The following NUP155 variants were observed in gnomAD, a reference collection of about 807,000 sequenced individuals.
NUP155 encodes nucleoporin 155, also known as nuclear pore complex protein Nup155.
A neutral mutation model predicts 180.4 loss-of-function variants in NUP155; 71 were observed. The observed-to-expected ratio is 0.39, with a 90% confidence interval of 0.33 to 0.48. NUP155 has a LOEUF of 0.48. Ranked by LOEUF, NUP155 falls within the 20% of genes least tolerant of loss-of-function variation. The pLI, the probability that NUP155 is intolerant of heterozygous loss-of-function variation, is 0.91. For missense variants in NUP155, 1,553 were observed against 1,648.9 expected, an observed-to-expected ratio of 0.94 and a Z score of 1.01; for synonymous variants, 582 against 559.5, an observed-to-expected ratio of 1.04 and a Z score of -0.57.
chr5:37,333,640 AAAAG>A lies in NUP155; in HGVS notation c.1348-11_1348-8del, dbSNP rs1745123839. On this transcript the variant is annotated splice_polypyrimidine_tract_variant and splice_region_variant and intron_variant, in intron 12 of 34. Coordinates refer to ENST00000231498, the MANE Select transcript of NUP155 (RefSeq NM_153485.3). ...CATCAACACCAGCTGTCATCTATGT[AAAAG>A]AAATAAATGTTTTATACATCATATT... is the stretch of plus-strand genomic sequence containing the variant. 2 of 1,609,832 alleles carry A rather than the reference AAAAG, an allele frequency of 1.2e-6. No homozygotes were observed. The highest frequency in any genetic ancestry group is 2.7e-5 in the African/African-American group (2 of 74,684).
chr5:37,299,601 C>G, intron 30 of NUP155, 33 bp from the exon 31 acceptor site: 2 of 1,609,548 alleles, frequency 1.2e-6, no homozygotes, highest in Non-Finnish European at 1.7e-6. Context: ...TAACATCCAA[C>G]TAGAGATCAA....
chr5:37,331,891 C>CA (rs985679857), intron 13 of NUP155, 96 bp from the exon 14 acceptor site: 282 of 780,236 alleles, frequency 3.6e-4, no homozygotes, highest in Non-Finnish European at 4.1e-4. Flanking sequence ...ATGAAACAAA[C>CA]AAAAAAAACC....
intron 19 of NUP155, among the ~76,000 whole-genome samples, chr5:37,325,614 C>T (rs749559192): frequency 1.3e-5 from 2 of 150,916 alleles, no homozygotes; most frequent in Non-Finnish European, 3.0e-5. Context: ...ACAAAAACTA[C>T]AAAAATTAGC....
Position 37,341,327 on chromosome 5 carries a change from T to C in NUP155, c.1094-85A>G, listed in dbSNP as rs188943308. On this transcript the variant is annotated intron_variant, in intron 10 of 34. Coordinates refer to ENST00000231498, the MANE Select transcript of NUP155 (RefSeq NM_153485.3). ...TTATTGAAGCAATTACATACAGCAA[T>C]GCAACACTCTGCTAAAACCATACAT... 7.6e-5 allele frequency: 81 copies of C among 1,065,634 alleles called. No homozygotes were observed. In the East Asian group the frequency reaches 1.7e-3, roughly 22 times the overall value. The allele number at this position is 1,065,634 out of a possible 1,614,324, so 66.0% of individuals were successfully genotyped here. A position where few individuals can be genotyped will look rare whatever the true frequency, so the allele number is the denominator to read the frequency against.
intron 22 of NUP155, 138 bp downstream of exon 22, chr5:37,314,060 T>C: frequency 1.5e-6 from 1 of 652,828 alleles, no homozygotes; most frequent in Non-Finnish European, 2.6e-6. Context: ...GCTTTTTTTG[T>C]GCCATCTTCC....
intron 32 of NUP155, among the ~76,000 whole-genome samples, chr5:37,298,353 T>C (rs1742696689): frequency 6.6e-6 from 1 of 152,164 alleles, no homozygotes; most frequent in Non-Finnish European, 1.5e-5. Context: ...TTCTATTGTT[T>C]TACCACTGAG....
At chr5:37,325,413 AGAGAT>A (rs1428405499) in intron 19 of NUP155, among the ~76,000 whole-genome samples, 1 of 152,128 alleles carries the variant, frequency 6.6e-6, no homozygotes, top group Non-Finnish European at 1.5e-5. Flanking sequence ...AATCAATGTT[AGAGAT>A]GAGATTTAAA....
chr5:37,329,144 G>T, intron 16 of NUP155, 46 bp downstream of exon 16: 1 of 1,417,996 alleles, frequency 7.1e-7, no homozygotes, highest in Non-Finnish European at 1.0e-6. Flanking sequence ...AAGGTTCTAA[G>T]ATTCAAACGA....
intron 32 of NUP155, among the ~76,000 whole-genome samples, chr5:37,296,237 G>C (rs939094399): frequency 2.6e-5 from 4 of 152,214 alleles, no homozygotes; most frequent in African/African-American, 7.2e-5. Flanking sequence ...AATAGAAAGG[G>C]GGGAAAGGTG....
intron 4 of NUP155, among the ~76,000 whole-genome samples, chr5:37,355,282 C>T (rs577534890): frequency 2.0e-5 from 3 of 152,046 alleles, no homozygotes; most frequent in Non-Finnish European, 2.9e-5. Flanking sequence ...CCAAGGTGGG[C>T]GGATCGCTTG....
In NUP155 at chr5:37,289,547, C is replaced by A. The variant is rs1742148409; in HGVS notation, c.*2353G>T. On this transcript the variant is annotated 3_prime_UTR_variant, in exon 35 of 35. Coordinates refer to ENST00000231498, the MANE Select transcript of NUP155 (RefSeq NM_153485.3). Reference sequence around the variant, plus strand: ...ACCTAATTTCTTCTCTCTTAGGAATCTTACCCCCCAAAAGGTATTGCAAGC... The same window carrying A: ...ACCTAATTTCTTCTCTCTTAGGAATATTACCCCCCAAAAGGTATTGCAAGC... The A allele has an allele frequency of 6.6e-6, 1 of 152,152 alleles. No individual in the cohort carries two copies. The highest frequency in any genetic ancestry group is 2.1e-4 in the South Asian group (1 of 4,830). The allele number at this position is 152,152 out of a possible 1,614,324, so 9.4% of individuals were successfully genotyped here.
intron 3 of NUP155, among the ~76,000 whole-genome samples, chr5:37,362,550 A>T (rs1015263526): frequency 4.6e-5 from 7 of 152,104 alleles, no homozygotes; most frequent in Admixed American, 4.6e-4. Context: ...GGCCTCCTAA[A>T]GTGCTGGGAT....
At chr5:37,359,213 GA>G (rs1429740978) in intron 3 of NUP155, among the ~76,000 whole-genome samples, 1 of 150,244 alleles carries the variant, frequency 6.7e-6, no homozygotes, top group Non-Finnish European at 1.5e-5. Context: ...TATATATAAT[GA>G]AAAAATAAAC....
rs2150955338 is a variant in NUP155, at chr5:37,318,041, G to A, written c.2252C>T (p.Pro751Leu). The change falls in exon 21 of 35, where the codon CCT becomes CTT. Residue 751 changes from proline (P) to leucine (L), a missense_variant. Coordinates refer to ENST00000231498, the MANE Select transcript of NUP155 (RefSeq NM_153485.3). ...VQQRLIGFMR[P>L]ENGNPQQMQQ... ...CATTTGCTGGGGATTTCCGTTTTCAGGACGCATGAATCCTATCAGCCTCTG... is the reference window on the plus strand; with the variant it reads ...CATTTGCTGGGGATTTCCGTTTTCAAGACGCATGAATCCTATCAGCCTCTG... 6.2e-7 allele frequency: 1 copy of A among 1,612,956 alleles called. No individual in the cohort carries two copies. The highest frequency in any genetic ancestry group is 2.2e-5 in the East Asian group (1 of 44,870).
chr5:37,313,880 T>C (rs1286523251), intron 22 of NUP155, among the ~76,000 whole-genome samples: 2 of 152,180 alleles, frequency 1.3e-5, no homozygotes, highest in Non-Finnish European at 2.9e-5. Flanking sequence ...TATGCATTTC[T>C]TTAAGGGTAG....
intron 5 of NUP155, among the ~76,000 whole-genome samples, chr5:37,352,525 C>T (rs776723234): frequency 6.6e-6 from 1 of 151,828 alleles, no homozygotes; most frequent in East Asian, 1.9e-4. Flanking sequence ...GCAACAAGAG[C>T]GAAAATCCGT....
chr5:37,307,384 T>A lies in NUP155; in HGVS notation c.2816A>T (p.Lys939Ile), dbSNP rs369990299. 6.2e-7 allele frequency: 1 copy of A among 1,613,968 alleles called. No individual in the cohort carries two copies. Among genetic ancestry groups the A allele is most frequent in the Non-Finnish European group, 8.5e-7 (1 of 1,179,974 alleles). The part of the protein sequence containing the change: ...VVELSLTAAE[K>I]KDPQGLGLHF... The stretch of plus-strand genomic sequence containing the variant: ...AAGCCCAAGACCTTGAGGATCTTTT[T>A]TCTCTGCAGCCGTAAGAGAAAGTTC... Residue 939 changes from lysine to isoleucine, a missense_variant, in exon 25 of 35, where the codon AAA becomes ATA. Transcript: ENST00000231498.
intron 32 of NUP155, among the ~76,000 whole-genome samples, chr5:37,296,052 T>TG (rs556573352): frequency 5.8e-5 from 8 of 137,270 alleles, no homozygotes; most frequent in South Asian, 2.4e-4. Flanking sequence ...GGGAGGGAGG[T>TG]GGGGGGGTCA....
At chr5:37,330,165 A>G in intron 14 of NUP155, 33 bp from the exon 15 acceptor site, 1 of 1,469,090 alleles carries the variant, frequency 6.8e-7, no homozygotes, top group Non-Finnish European at 9.5e-7. Flanking sequence ...GCCTTATATT[A>G]AATACAAATT....
Sources: allele counts gnomAD v4.1 joint callset (sites outside exome capture counted in the v4.1 genomes callset), GRCh38; gene constraint gnomAD v4.1.1; transcripts MANE v1.5; gene names NCBI Gene and HGNC (gene_info 2026-07-23, HGNC 2026-07-21).